The following GPHN variants were observed in gnomAD, a reference collection of about 807,000 sequenced individuals.
GPHN encodes gephyrin.
In GPHN, 17 loss-of-function variants were observed where a neutral mutation model predicts 95.5. The observed-to-expected ratio is 0.18, with a 90% CI of 0.12 to 0.27. GPHN has a LOEUF of 0.27. Ranked by LOEUF, GPHN falls within the 10% of genes least tolerant of loss-of-function variation. The probability of loss-of-function intolerance (pLI) is 1.00; values close to 1 mark genes in which losing one functional copy is unlikely to be tolerated. For missense variants in GPHN, 660 were observed against 978.1 expected, an observed-to-expected ratio of 0.67 and a Z score of 4.34; for synonymous variants, 320 against 322.5, an observed-to-expected ratio of 0.99 and a Z score of 0.08.
the GPHN span, chr14:67,715,214 T>TAAA: frequency 0.017 from 2,617 of 149,730 alleles, 81 homozygotes; most frequent in African/African-American, 0.056. Context: ...TAATAGCCGT[T>TAAA]AAAAAATAAA....
intron 1 of GPHN, among the ~76,000 whole-genome samples, chr14:66,635,804 T>G (rs1035807026): frequency 6.6e-6 from 1 of 152,036 alleles, no homozygotes; most frequent in East Asian, 1.9e-4. Flanking sequence ...AAAGAAAAAA[T>G]TTATGTGAGT....
At chr14:67,326,432 C>T in the GPHN span, among the ~76,000 whole-genome samples, 2 of 151,460 alleles carry the variant, frequency 1.3e-5, no homozygotes, top group Non-Finnish European at 2.9e-5. Context: ...TAACAATATG[C>T]AATATATTTG....
the GPHN span, among the ~76,000 whole-genome samples, chr14:67,189,167 G>A: frequency 1.3e-5 from 2 of 152,172 alleles, no homozygotes; most frequent in South Asian, 2.1e-4. Context: ...TATTTTTCCC[G>A]TGGTTATACT....
At chr14:67,664,498 A>ATTTTTTTTTTTTTTTTTTTTTTT in the GPHN span, among the ~76,000 whole-genome samples, 1 of 147,072 alleles carries the variant, frequency 6.8e-6, no homozygotes. Flanking sequence ...CTAAAGAGCA[A>ATTTTTTTTTTTTTTTTTTTTTTT]TTTTTTTTTT....
At chr14:67,507,562 C>T in the GPHN span, among the ~76,000 whole-genome samples, 293 of 152,164 alleles carry the variant, frequency 1.9e-3, no homozygotes, top group Non-Finnish European at 3.4e-3. Flanking sequence ...GATCCTCCCA[C>T]CTCAGCCTCC....
chr14:66,638,202 G>A (rs2064204546), intron 1 of GPHN, among the ~76,000 whole-genome samples: 2 of 152,076 alleles, frequency 1.3e-5, no homozygotes, highest in Admixed American at 6.5e-5. Context: ...AGGGGGCTGA[G>A]GTGGGTGAAT....
the GPHN span, among the ~76,000 whole-genome samples, chr14:67,233,605 T>C: frequency 4.6e-5 from 7 of 152,226 alleles, no homozygotes; most frequent in Non-Finnish European, 5.9e-5. Context: ...TCCCTTCCTC[T>C]GGCTGACTTC....
chr14:66,751,771 A>G (rs2058373147), intron 2 of GPHN, among the ~76,000 whole-genome samples: 1 of 152,080 alleles, frequency 6.6e-6, no homozygotes, highest in South Asian at 2.1e-4. Context: ...CATTGGCTTC[A>G]ACTTAAAGTC....
chr14:67,031,671 C>T (rs1396465418), intron 10 of GPHN, among the ~76,000 whole-genome samples: 1 of 152,092 alleles, frequency 6.6e-6, no homozygotes, highest in Non-Finnish European at 1.5e-5. Context: ...ATTTGAACTC[C>T]TGGGCTCAAG....
intron 2 of GPHN, among the ~76,000 whole-genome samples, chr14:66,725,641 G>A (rs1227869073): frequency 4.6e-5 from 7 of 152,016 alleles, no homozygotes; most frequent in African/African-American, 7.2e-5. Context: ...ACGCCACCAC[G>A]CCTGGCTAAT....
At chr14:67,078,728 C>A (rs2076585452) in intron 11 of GPHN, among the ~76,000 whole-genome samples, 1 of 152,132 alleles carries the variant, frequency 6.6e-6, no homozygotes, top group Non-Finnish European at 1.5e-5. Flanking sequence ...TAGTCCTAAA[C>A]TTTAATGAGA....
At chr14:66,973,715 C>T (rs979332833) in intron 9 of GPHN, among the ~76,000 whole-genome samples, 33 of 151,962 alleles carry the variant, frequency 2.2e-4, no homozygotes, top group African/African-American at 6.5e-4. Context: ...GCTGAGCTCA[C>T]GCCACTGCCG....
chr14:67,071,743 A>G (rs1477399385), intron 11 of GPHN, among the ~76,000 whole-genome samples: 2 of 152,190 alleles, frequency 1.3e-5, no homozygotes, highest in East Asian at 3.9e-4. Flanking sequence ...ACTTCCTTCT[A>G]TGCATACCAT....
At position 66,640,043 on chromosome 14, in the gene GPHN, G is replaced by A. The variant is rs375077249; in HGVS notation, c.65-41064G>A. ...GAGTAAAGGCATTTATAATAAAGAA[G>A]CTGAAACACCTAGGTGCAATGGATC... is the stretch of plus-strand genomic sequence containing the variant. On this transcript the variant is annotated intron_variant, in intron 1 of 22. Transcript: ENST00000478722. Among the ~76,000 whole-genome samples the A allele has an allele frequency of 5.9e-5, 9 of 152,222 alleles. 1 individual carries two copies. Among genetic ancestry groups the A allele is most frequent in the East Asian group, 5.8e-4 (3 of 5,186 alleles).
chr14:66,606,075 T>A (rs2140892074), intron 1 of GPHN, among the ~76,000 whole-genome samples: 1 of 152,280 alleles, frequency 6.6e-6, no homozygotes, highest in South Asian at 2.1e-4. Flanking sequence ...CCAAACCTGA[T>A]GTCAAGAAGT....
chr14:67,289,853 C>G, the GPHN span, among the ~76,000 whole-genome samples: 1 of 147,854 alleles, frequency 6.8e-6, no homozygotes, highest in Non-Finnish European at 1.5e-5. Context: ...TCACTGCAAG[C>G]TCTGCCTCCT....
chr14:66,809,283 G>A (rs2060668981), intron 3 of GPHN, among the ~76,000 whole-genome samples: 1 of 152,170 alleles, frequency 6.6e-6, no homozygotes, highest in Non-Finnish European at 1.5e-5. Context: ...GTATATCACA[G>A]TGGTTAATAA....
intron 3 of GPHN, among the ~76,000 whole-genome samples, chr14:66,811,663 T>A (rs925086094): frequency 2.0e-5 from 3 of 152,216 alleles, no homozygotes; most frequent in African/African-American, 7.2e-5. Context: ...ATACATTTAA[T>A]TAAATCTCTT....
At chr14:66,947,109 C>A (rs2067804002) in intron 8 of GPHN, among the ~76,000 whole-genome samples, 1 of 152,222 alleles carries the variant, frequency 6.6e-6, no homozygotes, top group South Asian at 2.1e-4. Context: ...TCTGGCTCCT[C>A]CCTGATTTCT....
Sources: allele counts gnomAD v4.1 joint callset (sites outside exome capture counted in the v4.1 genomes callset), GRCh38; gene constraint gnomAD v4.1.1; transcripts MANE v1.5; gene names NCBI Gene and HGNC (gene_info 2026-07-23, HGNC 2026-07-21).